The following HDAC9 variants were observed in gnomAD, a reference collection of about 807,000 sequenced individuals.
HDAC9 encodes MEF-2 interacting transcription repressor (MITR) protein.
Under a neutral mutation model 139.4 loss-of-function variants are expected in HDAC9, and 41 were observed. The ratio of observed to expected loss-of-function variants is 0.29; its 90% CI spans 0.23 to 0.38. HDAC9 has a LOEUF of 0.38. Among genes scored for constraint, HDAC9 ranks in the 10% least tolerant of loss-of-function variants. The probability of loss-of-function intolerance (pLI) is 1.00; values close to 1 mark genes in which losing one functional copy is unlikely to be tolerated. For missense variants in HDAC9, 1,147 were observed against 1,297.0 expected (o/e 0.88, Z 1.78); for synonymous variants, 517 against 476.2 (o/e 1.09, Z -1.12).
Position 18,781,545 on chromosome 7 carries a change from A to G in HDAC9, c.2215-11800A>G, listed in dbSNP as rs148338326. 8.5e-5 allele frequency among the ~76,000 whole-genome samples: 13 copies of G among 152,174 alleles called. No individual in the cohort carries two copies. The East Asian group carries it at 2.5e-3, about 30-fold the overall frequency. ...TGTTCTTTAAATACTGACCAAAGAT[A>G]TTTACTTTTTGCTTTCTTTGGGCAA... On this transcript the variant is annotated intron_variant, in intron 16 of 25. Transcript: ENST00000686413.
In HDAC9 at chr7:18,822,188, A is replaced by T. The variant is rs373798479; in HGVS notation, c.2323-6973A>T. ...CCCCAGAGGTTGGGCTGTGGGGATA[A>T]ATATTTCAATCTTCTAATCATATTG... is the stretch of plus-strand genomic sequence containing the variant. On this transcript the variant is annotated intron_variant, in intron 17 of 25. Transcript: ENST00000686413. Among the ~76,000 whole-genome samples, 4 of 152,214 alleles carry T rather than the reference A, an allele frequency of 2.6e-5. No homozygotes were observed. The East Asian group carries it at 7.7e-4, about 29-fold the overall frequency.
At chr7:18,119,930 G>A (rs1430662582) in intron 1 of HDAC9, among the ~76,000 whole-genome samples, 2 of 152,140 alleles carry the variant, frequency 1.3e-5, no homozygotes, top group East Asian at 1.9e-4. Flanking sequence ...CAATCCTTGG[G>A]GTGTTTGCCA....
At chr7:18,327,672 A>G (rs1159889579) in intron 1 of HDAC9, 2 of 151,980 alleles carry the variant, frequency 1.3e-5, no homozygotes, top group African/African-American at 2.4e-5. Flanking sequence ...AAAACTATTA[A>G]TTATCAGAAA....
intron 1 of HDAC9, among the ~76,000 whole-genome samples, chr7:18,149,478 C>T (rs1326160545): frequency 6.7e-6 from 1 of 149,838 alleles, no homozygotes; most frequent in African/African-American, 2.4e-5. Flanking sequence ...ACCTCTGCCT[C>T]CTGAGTAACT....
chr7:18,332,359 ACATGTG>A lies in HDAC9; in HGVS notation c.-42+41845_-42+41850del, dbSNP rs1217756905. Among the ~76,000 whole-genome samples the A allele has an allele frequency of 5.8e-5, 5 of 85,540 alleles. No homozygotes were observed. In the Admixed American group the frequency reaches 6.6e-4, roughly 11 times the overall value. The allele number at this position is 85,540 out of a possible 152,430, so 56.1% of individuals were successfully genotyped here. A position where few individuals can be genotyped will look rare whatever the true frequency, so the allele number is the denominator to read the frequency against. ...CTGTGAATTGTGGCTGTGCATGCGCACATGTGTGTGTGTGTGTGTGTGTGTGTGTGT... is the reference window on the plus strand; with the variant it reads ...CTGTGAATTGTGGCTGTGCATGCGCATGTGTGTGTGTGTGTGTGTGTGTGT... On this transcript the variant is annotated intron_variant, in intron 1 of 3. Transcript: ENST00000413509.
chr7:18,267,661 T>C (rs1281097240), intron 2 of HDAC9, among the ~76,000 whole-genome samples: 2 of 152,206 alleles, frequency 1.3e-5, no homozygotes, highest in Non-Finnish European at 2.9e-5. Context: ...ATTCCGTGTA[T>C]ATGTATACAT....
At chr7:18,898,293 C>T (rs921210950) in intron 22 of HDAC9, among the ~76,000 whole-genome samples, 2 of 151,662 alleles carry the variant, frequency 1.3e-5, no homozygotes, top group Admixed American at 1.3e-4. Flanking sequence ...CATCAGATTA[C>T]CTGGTTGAGT....
chr7:18,679,640 T>C (rs993386992), intron 12 of HDAC9, among the ~76,000 whole-genome samples: 1 of 151,372 alleles, frequency 6.6e-6, no homozygotes, highest in Admixed American at 6.6e-5. Flanking sequence ...CTGAGTAACA[T>C]TGATCCTACT....
chr7:18,326,400 G>A (rs189425457), intron 1 of HDAC9, among the ~76,000 whole-genome samples: 13 of 152,034 alleles, frequency 8.6e-5, no homozygotes, highest in Admixed American at 2.6e-4. Flanking sequence ...GTAGATGTTG[G>A]ATAACACATA....
chr7:18,940,601 A>C (rs1585364267), intron 23 of HDAC9, among the ~76,000 whole-genome samples: 2 of 152,312 alleles, frequency 1.3e-5, no homozygotes, highest in South Asian at 4.1e-4. Flanking sequence ...TTGGAAAGGC[A>C]TTAGGGATAC....
chr7:18,596,752 T>C (rs571588781), intron 6 of HDAC9, among the ~76,000 whole-genome samples: 2 of 152,250 alleles, frequency 1.3e-5, no homozygotes, highest in African/African-American at 2.4e-5. Flanking sequence ...TTGGATTTCA[T>C]TGAACTCAAT....
chr7:18,478,994 C>A (rs1435446966), intron 1 of HDAC9, among the ~76,000 whole-genome samples: 2 of 151,858 alleles, frequency 1.3e-5, no homozygotes, highest in Non-Finnish European at 2.9e-5. Flanking sequence ...ATTTTTTAAC[C>A]ATTATTAATA....
At chr7:18,575,976 G>C (rs533868294) in intron 2 of HDAC9, among the ~76,000 whole-genome samples, 1 of 152,258 alleles carries the variant, frequency 6.6e-6, no homozygotes, top group African/African-American at 2.4e-5. Context: ...GTTATGAAAA[G>C]AACTGAGAAA....
intron 23 of HDAC9, among the ~76,000 whole-genome samples, chr7:18,950,525 G>A (rs1782718289): frequency 6.6e-6 from 1 of 151,898 alleles, no homozygotes; most frequent in South Asian, 2.1e-4. Context: ...TTATTTTTTC[G>A]ATTAAGTATT....
chr7:18,981,598 C>T lies in HDAC9; in HGVS notation c.3170+5645C>T, dbSNP rs115299423. On this transcript the variant is annotated intron_variant, in intron 25 of 25. Coordinates refer to ENST00000686413, the MANE Select transcript of HDAC9 (RefSeq NM_178425.4). ...GCCTGCATTCCTTGGCTCATGACCC[C>T]TTCTTCCATCTTTAAAGCCAGCAAC... Among the ~76,000 whole-genome samples, 4 of 152,120 alleles carry T rather than the reference C, an allele frequency of 2.6e-5. No homozygotes were observed. The South Asian group carries it at 6.2e-4, about 24-fold the overall frequency.
At chr7:18,161,681 G>A (rs1787637559) in intron 1 of HDAC9, among the ~76,000 whole-genome samples, 1 of 152,086 alleles carries the variant, frequency 6.6e-6, no homozygotes, top group Non-Finnish European at 1.5e-5. Flanking sequence ...ACTTTGGGCT[G>A]GAACAAGATT....
chr7:18,566,819 T>C (rs1038497586), intron 2 of HDAC9, among the ~76,000 whole-genome samples: 3 of 152,214 alleles, frequency 2.0e-5, no homozygotes, highest in Non-Finnish European at 4.4e-5. Context: ...TCAAGCAAGA[T>C]GACAAAGGTT....
intron 1 of HDAC9, among the ~76,000 whole-genome samples, chr7:18,365,421 C>T (rs989510332): frequency 6.6e-6 from 1 of 152,060 alleles, no homozygotes; most frequent in African/African-American, 2.4e-5. Context: ...GTATGCTCTG[C>T]ACATTCACCA....
intron 1 of HDAC9, among the ~76,000 whole-genome samples, chr7:18,334,298 A>G (rs773510752): frequency 6.6e-6 from 1 of 151,508 alleles, no homozygotes; most frequent in Non-Finnish European, 1.5e-5. Flanking sequence ...AAATTTAGCA[A>G]TATTTTAAAA....
Sources: allele counts gnomAD v4.1 joint callset (sites outside exome capture counted in the v4.1 genomes callset), GRCh38; gene constraint gnomAD v4.1.1; transcripts MANE v1.5; gene names NCBI Gene and HGNC (gene_info 2026-07-23, HGNC 2026-07-21).